GABBR2: variants seen among roughly 807,000 people sequenced by gnomAD.
The protein encoded by GABBR2 is G-protein coupled receptor 51.
In GABBR2, 23 loss-of-function variants were observed where a neutral mutation model predicts 105.6. The ratio of observed to expected loss-of-function variants is 0.22; its 90% CI spans 0.16 to 0.31. The LOEUF is 0.31. Among genes scored for constraint, GABBR2 ranks in the 10% least tolerant of loss-of-function variants. The pLI, the probability that GABBR2 is intolerant of heterozygous loss-of-function variation, is 1.00. For missense variants in GABBR2, 734 were observed against 1,245.5 expected, an observed-to-expected ratio of 0.59 and a Z score of 6.18; for synonymous variants, 478 against 499.7, an observed-to-expected ratio of 0.96 and a Z score of 0.58.
intron 15 of GABBR2, among the ~76,000 whole-genome samples, chr9:98,303,923 TCA>T (rs2131351088): frequency 1.3e-5 from 2 of 152,364 alleles, no homozygotes; most frequent in African/African-American, 4.8e-5. Flanking sequence ...GGTTATTATC[TCA>T]CAGTTTCCGT....
intron 8 of GABBR2, among the ~76,000 whole-genome samples, chr9:98,397,252 T>C (rs76794526): frequency 0.033 from 5,090 of 152,282 alleles, 260 homozygotes; most frequent in African/African-American, 0.1. Flanking sequence ...GTTAAAGTCA[T>C]TCCCGTGTCC....
At chr9:98,569,522 C>T (rs557485483) in intron 2 of GABBR2, among the ~76,000 whole-genome samples, 6 of 152,270 alleles carry the variant, frequency 3.9e-5, no homozygotes, top group South Asian at 2.1e-4. Flanking sequence ...TTTATAAAAG[C>T]GCTTTCCCTT....
At chr9:98,365,890 C>G (rs1032977495) in intron 12 of GABBR2, among the ~76,000 whole-genome samples, 2 of 152,154 alleles carry the variant, frequency 1.3e-5, no homozygotes, top group African/African-American at 2.4e-5. Flanking sequence ...TCTCCCTATT[C>G]TTAGATTCTT....
intron 8 of GABBR2, among the ~76,000 whole-genome samples, chr9:98,402,919 G>A (rs1259193769): frequency 6.6e-6 from 1 of 152,046 alleles, no homozygotes; most frequent in Non-Finnish European, 1.5e-5. Flanking sequence ...ATACGCATAT[G>A]CCCCCTGCAT....
At chr9:98,505,645 T>C (rs10986473) in intron 3 of GABBR2, among the ~76,000 whole-genome samples, 42,186 of 152,020 alleles carry the variant, frequency 0.28, 6,273 homozygotes, top group Non-Finnish European at 0.32. Flanking sequence ...ATAAATCCAA[T>C]GTTAAGGATT....
At chr9:98,425,336 G>C (rs185459412) in intron 7 of GABBR2, among the ~76,000 whole-genome samples, 1 of 152,280 alleles carries the variant, frequency 6.6e-6, no homozygotes, top group Non-Finnish European at 1.5e-5. Flanking sequence ...ACCTGAAGGA[G>C]GTTAAACGAA....
intron 3 of GABBR2, among the ~76,000 whole-genome samples, chr9:98,498,756 C>T (rs1416911441): frequency 6.6e-6 from 1 of 151,778 alleles, no homozygotes; most frequent in Non-Finnish European, 1.5e-5. Context: ...AGATTGGTAA[C>T]TAGTCAATGG....
intron 1 of GABBR2, among the ~76,000 whole-genome samples, chr9:98,702,123 GC>G (rs1224100916): frequency 6.6e-6 from 1 of 152,120 alleles, no homozygotes; most frequent in Non-Finnish European, 1.5e-5. Flanking sequence ...GGTGAGTGGT[GC>G]CCAAATGAGG....
intron 1 of GABBR2, among the ~76,000 whole-genome samples, chr9:98,701,332 C>T (rs763063019): frequency 1.1e-4 from 16 of 152,170 alleles, no homozygotes; most frequent in South Asian, 4.1e-4. Context: ...AAGTTATGTC[C>T]GTGGGTGCCT....
At chr9:98,383,104 G>T (rs1564042073) in intron 11 of GABBR2, among the ~76,000 whole-genome samples, 1 of 152,054 alleles carries the variant, frequency 6.6e-6, no homozygotes, top group Non-Finnish European at 1.5e-5. Context: ...TCCATGCCCG[G>T]CTAATTTTGT....
chr9:98,569,775 A>C (rs969973707), intron 2 of GABBR2, among the ~76,000 whole-genome samples: 1 of 152,184 alleles, frequency 6.6e-6, no homozygotes, highest in Non-Finnish European at 1.5e-5. Context: ...CTAAGCCTCT[A>C]CGACCTCTGC....
In GABBR2 at chr9:98,708,838, G is replaced by A; in HGVS notation, c.-101C>T. ...CTTCCCGCGGCGCCCGCGCAATGGCGCCGGCCCGGGCCCCGGCTCCGTCTC... is the reference window on the plus strand; with the variant it reads ...CTTCCCGCGGCGCCCGCGCAATGGCACCGGCCCGGGCCCCGGCTCCGTCTC... On this transcript the variant is annotated 5_prime_UTR_variant, in exon 1 of 19. Transcript: ENST00000259455. The A allele has an allele frequency of 1.6e-6, 1 of 632,892 alleles. No homozygotes were observed. Among genetic ancestry groups the A allele is most frequent in the Non-Finnish European group, 2.0e-6 (1 of 508,840 alleles). The allele number at this position is 632,892 out of a possible 1,614,324, so 39.2% of individuals were successfully genotyped here. A position where few individuals can be genotyped will look rare whatever the true frequency, so the allele number is the denominator to read the frequency against.
At position 98,556,586 on chromosome 9, in the gene GABBR2, G is replaced by T. The variant is rs1269826084; in HGVS notation, c.460-14543C>A. ...CTGGGGCGGGGCTGGGGTTGCGCAT[G>T]GGCAAGAGCACCCGGAAGTGAGTGC... is the stretch of plus-strand genomic sequence containing the variant. On this transcript the variant is annotated intron_variant, in intron 2 of 18. Transcript: ENST00000259455. 2.6e-5 allele frequency among the ~76,000 whole-genome samples: 4 copies of T among 152,276 alleles called. No homozygotes were observed. In the East Asian group the frequency reaches 7.7e-4, roughly 29 times the overall value.
At chr9:98,705,012 G>T (rs1055359539) in intron 1 of GABBR2, among the ~76,000 whole-genome samples, 2 of 151,652 alleles carry the variant, frequency 1.3e-5, no homozygotes, top group Non-Finnish European at 2.9e-5. Context: ...TAAGTAATAT[G>T]GTACATTTAC....
chr9:98,390,824 AC>A (rs1832166715), intron 9 of GABBR2, among the ~76,000 whole-genome samples: 1 of 152,158 alleles, frequency 6.6e-6, no homozygotes, highest in African/African-American at 2.4e-5. Flanking sequence ...TATGATCACT[AC>A]TGGGTTTGGG....
intron 11 of GABBR2, 75 bp from the exon 12 acceptor site, chr9:98,371,646 C>T: frequency 1.3e-6 from 1 of 781,254 alleles, no homozygotes; most frequent in Non-Finnish European, 2.3e-6. Context: ...GTCCACCCTG[C>T]AAGGGGACTC....
At position 98,388,461 on chromosome 9, in the gene GABBR2, T is replaced by C. The variant is rs1441806021; in HGVS notation, c.1529+393A>G. ...GCTAGGGGATAGGGGCAAAGAAGTT[T>C]GGGGTATTCTGTCTTCTATATCTCT... On this transcript the variant is annotated intron_variant, in intron 10 of 18. Transcript: ENST00000259455. The surrounding 1 kb of genome is among the most constrained non-coding windows in gnomAD (Gnocchi z 4.4). Among the ~76,000 whole-genome samples the C allele has an allele frequency of 3.9e-5, 6 of 152,144 alleles. No homozygotes were observed. Among genetic ancestry groups the C allele is most frequent in the African/African-American group, 1.4e-4 (6 of 41,436 alleles).
chr9:98,662,066 T>C (rs1320035415), intron 1 of GABBR2, among the ~76,000 whole-genome samples: 1 of 152,218 alleles, frequency 6.6e-6, no homozygotes, highest in Non-Finnish European at 1.5e-5. Flanking sequence ...CAGGTGTTAT[T>C]CCTAACAGCA....
intron 8 of GABBR2, among the ~76,000 whole-genome samples, chr9:98,394,585 C>T (rs1032943120): frequency 6.6e-5 from 10 of 152,336 alleles, no homozygotes; most frequent in Non-Finnish European, 1.2e-4. Context: ...TAACATTCCC[C>T]CTGCTCAACT....
Sources: gnomAD v4.1 joint callset for allele counts (sites outside exome capture counted in the v4.1 genomes callset) on GRCh38, gnomAD v4.1.1 for gene constraint, Gnocchi (gnomAD v3.1) non-coding constraint, MANE v1.5 for transcripts, NCBI Gene and HGNC (gene_info 2026-07-23, HGNC 2026-07-21) for gene names.